The following KATNAL2 variants were observed in gnomAD, a reference collection of about 807,000 sequenced individuals.
KATNAL2 encodes the protein katanin p60 ATPase-containing subunit A-like 2.
A neutral mutation model predicts 76.3 loss-of-function variants in KATNAL2; 52 were observed. That is an observed-to-expected ratio of 0.68 (90% confidence interval 0.55 to 0.86). The LOEUF is 0.86. Ranked by LOEUF, KATNAL2 falls within the 40% of genes least tolerant of loss-of-function variation. KATNAL2 has a pLI of 0.00. For synonymous variants in KATNAL2, 243 were observed against 244.2 expected, an observed-to-expected ratio of 1.00 and a Z score of 0.05; for missense variants, 660 against 668.9, an observed-to-expected ratio of 0.99 and a Z score of 0.15.
rs540379826 is a variant in KATNAL2 at position 47,069,497 on chromosome 18, T to C, written c.905T>C (p.Leu302Ser). 4.7e-5 allele frequency: 76 copies of C among 1,612,298 alleles called. No homozygotes were observed. The South Asian group carries it at 7.6e-4, about 16-fold the overall frequency. The change falls in exon 13 of 18, where the codon TTA (leucine) becomes TCA (serine). Residue 302 changes from leucine to serine, a missense_variant. By Grantham distance (145) the Leu-to-Ser change is moderately radical. Coordinates refer to ENST00000683218, the MANE Select transcript of KATNAL2 (RefSeq NM_001387690.1). ...LYGPPGTGKT[L>S]LAKAVATECK... ...TTCTCTTTAGGTACAGGAAAGACTTTACTGGCCAAAGCTGTGGCCACTGAA... is the reference window on the plus strand; with the variant it reads ...TTCTCTTTAGGTACAGGAAAGACTTCACTGGCCAAAGCTGTGGCCACTGAA...
intron 3 of KATNAL2, chr18:47,032,763 AAT>A: frequency 1.5e-6 from 1 of 667,028 alleles, no homozygotes; most frequent in South Asian, 2.1e-5. Flanking sequence ...TCCAAAATAG[AAT>A]TGTTCCCAAT....
rs773287154 is a variant in KATNAL2, at chr18:47,100,316, C to T, written c.1437C>T (p.Pro479=). The T allele has an allele frequency of 1.2e-6, 2 of 1,614,070 alleles. No individual in the cohort carries two copies. The highest frequency in any genetic ancestry group is 2.2e-5 in the South Asian group (2 of 91,084). ...TCTGCAGGGAAGCAGCCATGCGGCC[C>T]GTGAGGAAGATCTTTGATGCACTTG... ...KLVCREAAMR[P]VRKIFDALEN... Residue 479 remains proline (P), a synonymous_variant, in exon 17 of 18, where the codon CCC becomes CCT. Transcript: ENST00000683218.
intron 3 of KATNAL2, among the ~76,000 whole-genome samples, chr18:46,958,383 G>C (rs1024811279): frequency 6.6e-6 from 1 of 151,946 alleles, no homozygotes; most frequent in African/African-American, 2.4e-5. Flanking sequence ...AATAAATCTA[G>C]TAAATAATAA....
At chr18:47,096,069 G>A (rs2063220591) in intron 15 of KATNAL2, among the ~76,000 whole-genome samples, 1 of 152,196 alleles carries the variant, frequency 6.6e-6, no homozygotes, top group Non-Finnish European at 1.5e-5. Context: ...CATTGTTACT[G>A]TCGGTAAGGC....
At chr18:47,066,845 G>GTGTTTA (rs1240454025) in intron 10 of KATNAL2, among the ~76,000 whole-genome samples, 176 bp from the exon 11 acceptor site, 3 of 25,372 alleles carry the variant, frequency 1.2e-4, no homozygotes, top group Non-Finnish European at 1.6e-4. Context: ...GTATATATGT[G>GTGTTTA]TTTATATATA....
At chr18:46,920,048 C>A (rs778392383) in intron 1 of KATNAL2, 108 of 1,289,112 alleles carry the variant, frequency 8.4e-5, no homozygotes, top group Middle Eastern at 2.1e-4. Context: ...CAAAGCCCCA[C>A]TGAAACTTAC....
At chr18:46,933,466 G>A (rs945639248) in intron 1 of KATNAL2, among the ~76,000 whole-genome samples, 1 of 152,062 alleles carries the variant, frequency 6.6e-6, no homozygotes, top group Non-Finnish European at 1.5e-5. Context: ...ACCAGAGGTA[G>A]GTCAGCACTT....
chr18:47,043,487 C>T (rs896996601), intron 3 of KATNAL2, among the ~76,000 whole-genome samples: 2 of 152,066 alleles, frequency 1.3e-5, no homozygotes, highest in Non-Finnish European at 2.9e-5. Flanking sequence ...ACTCATGATT[C>T]CACAGGCTGT....
At chr18:46,943,757 C>A (rs2059311222) in intron 1 of KATNAL2, among the ~76,000 whole-genome samples, 1 of 152,142 alleles carries the variant, frequency 6.6e-6, no homozygotes, top group South Asian at 2.1e-4. Context: ...ATTTAAGAAC[C>A]CTCTTTTGGG....
intron 15 of KATNAL2, chr18:47,099,005 CTT>C: frequency 2.7e-6 from 1 of 376,794 alleles, no homozygotes; most frequent in Non-Finnish European, 4.7e-6. Flanking sequence ...CCTTCCTTCT[CTT>C]TCTTCTCCTT....
At chr18:47,086,274 C>T (rs1477432624) in intron 15 of KATNAL2, among the ~76,000 whole-genome samples, 1 of 152,142 alleles carries the variant, frequency 6.6e-6, no homozygotes, top group African/African-American at 2.4e-5. Flanking sequence ...CTGATGAATG[C>T]ATTTTTCATT....
intron 4 of KATNAL2, among the ~76,000 whole-genome samples, chr18:47,051,303 C>T (rs935480283): frequency 6.6e-6 from 1 of 151,864 alleles, no homozygotes; most frequent in South Asian, 2.1e-4. Flanking sequence ...TGGTGGTGCA[C>T]GCCTGTAGTC....
rs776011849 is a variant in KATNAL2, at chr18:47,067,043, A to G, written c.749A>G (p.Asn250Ser). 6.3e-7 allele frequency: 1 copy of G among 1,591,096 alleles called. No homozygotes were observed. Among genetic ancestry groups the G allele is most frequent in the Admixed American group, 1.7e-5 (1 of 59,528 alleles). ...VSRDIYLHNP[N>S]IKWNDIIGLD... Reference sequence around the variant, plus strand: ...CAGGACATTTATCTCCATAATCCAAACATAAAGTGGAATGACATTATTGGA... The same window carrying G: ...CAGGACATTTATCTCCATAATCCAAGCATAAAGTGGAATGACATTATTGGA... Residue 250 changes from asparagine to serine, a missense_variant, in exon 11 of 18, where the codon AAC (asparagine) becomes AGC (serine). By Grantham distance (46) the Asn-to-Ser change is conservative. Coordinates refer to ENST00000683218, the MANE Select transcript of KATNAL2 (RefSeq NM_001387690.1).
intron 3 of KATNAL2, among the ~76,000 whole-genome samples, chr18:46,949,143 C>G (rs779955196): frequency 2.4e-4 from 36 of 152,134 alleles, no homozygotes; most frequent in Non-Finnish European, 4.6e-4. Context: ...AGTGATCCTC[C>G]CACCTCGGCC....
intron 1 of KATNAL2, among the ~76,000 whole-genome samples, chr18:46,919,005 A>G (rs1385394982): frequency 3.4e-5 from 5 of 147,180 alleles, no homozygotes; most frequent in Non-Finnish European, 7.4e-5. Context: ...GTATATATAT[A>G]TATGTGTGTG....
At chr18:46,952,393 G>GCTTTT (rs2059584955) in intron 3 of KATNAL2, among the ~76,000 whole-genome samples, 1 of 64,408 alleles carries the variant, frequency 1.6e-5, no homozygotes, top group African/African-American at 6.6e-5. Context: ...CTGCAGGTAT[G>GCTTTT]TTTTTTTTTT....
chr18:46,923,978 C>A (rs1245241402), intron 1 of KATNAL2, among the ~76,000 whole-genome samples: 2 of 152,034 alleles, frequency 1.3e-5, no homozygotes, highest in Non-Finnish European at 2.9e-5. Flanking sequence ...GATATTAGCC[C>A]TTTGTTGGAT....
At chr18:46,958,978 CTG>C (rs1456393465) in intron 3 of KATNAL2, among the ~76,000 whole-genome samples, 3 of 152,148 alleles carry the variant, frequency 2.0e-5, no homozygotes, top group South Asian at 2.1e-4. Context: ...AAAATATCGA[CTG>C]TGTTAGCTAA....
chr18:46,936,316 T>G (rs1391889802), intron 1 of KATNAL2, among the ~76,000 whole-genome samples: 1 of 152,200 alleles, frequency 6.6e-6, no homozygotes, highest in Non-Finnish European at 1.5e-5. Context: ...ATAGAGCAAG[T>G]GCCCATAAAT....
Sources: gnomAD v4.1 joint callset for allele counts (sites outside exome capture counted in the v4.1 genomes callset) on GRCh38, gnomAD v4.1.1 for gene constraint, MANE v1.5 for transcripts, NCBI Gene and HGNC (gene_info 2026-07-23, HGNC 2026-07-21) for gene names.